Variants in LAMA2 observed in about 807,000 individuals in gnomAD.
LAMA2 encodes the protein laminin subunit alpha 2.
LAMA2 carries 269 observed loss-of-function variants against 364.8 expected under a neutral mutation model. The ratio of observed to expected loss-of-function variants is 0.74; its 90% confidence interval spans 0.67 to 0.82. The LOEUF (loss-of-function observed/expected upper bound fraction) is 0.82. Among genes scored for constraint, LAMA2 ranks in the 40% least tolerant of loss-of-function variants. The probability of loss-of-function intolerance (pLI) is 0.00; values close to 1 mark genes in which losing one functional copy is unlikely to be tolerated. For synonymous variants in LAMA2, 1,379 were observed against 1,370.6 expected (o/e 1.01, Z -0.14); for missense variants, 3,807 against 3,873.2 (o/e 0.98, Z 0.45).
intron 29 of LAMA2, among the ~76,000 whole-genome samples, chr6:129,337,563 A>T (rs564566816): frequency 6.6e-6 from 1 of 152,150 alleles, no homozygotes; most frequent in South Asian, 2.1e-4. Flanking sequence ...AAGCTGTCTT[A>T]TAAGAATTCA....
intron 12 of LAMA2, among the ~76,000 whole-genome samples, chr6:129,245,414 T>C (rs1317184649): frequency 1.3e-5 from 2 of 152,150 alleles, no homozygotes; most frequent in African/African-American, 4.8e-5. Flanking sequence ...TGAAATGTTC[T>C]ATTGGCTGAA....
At chr6:129,089,682 G>C (rs1774688657) in intron 3 of LAMA2, among the ~76,000 whole-genome samples, 1 of 152,220 alleles carries the variant, frequency 6.6e-6, no homozygotes, top group African/African-American at 2.4e-5. Flanking sequence ...GAAGAGAATA[G>C]ATGTCAAGGG....
At chr6:129,066,138 C>T (rs1052344706) in intron 3 of LAMA2, among the ~76,000 whole-genome samples, 1 of 141,654 alleles carries the variant, frequency 7.1e-6, no homozygotes, top group South Asian at 2.4e-4. Context: ...CTCCGCCTCC[C>T]GGGTTCATGC....
intron 20 of LAMA2, chr6:129,292,787 T>C (rs1300867851): frequency 1.0e-6 from 1 of 984,446 alleles, no homozygotes; most frequent in Admixed American, 6.1e-5. Flanking sequence ...TTTTATTTTA[T>C]GGTTGGTTTT....
At chr6:129,481,174 TAATTGCATCGAGG>T (rs1784326816) in intron 54 of LAMA2, 76 bp from the exon 55 acceptor site, 1 of 966,870 alleles carries the variant, frequency 1.0e-6, no homozygotes, top group Non-Finnish European at 1.7e-6. Flanking sequence ...ATAATCACAT[TAATTGCATCGAGG>T]AGGGTGAGTG....
intron 55 of LAMA2, among the ~76,000 whole-genome samples, chr6:129,483,229 A>G (rs1784437406): frequency 6.6e-6 from 1 of 151,936 alleles, no homozygotes; most frequent in Non-Finnish European, 1.5e-5. Context: ...ATCTATAAAA[A>G]AAAAACTATA....
intron 1 of LAMA2, among the ~76,000 whole-genome samples, chr6:128,986,850 CT>C (rs1458202167): frequency 1.3e-5 from 2 of 152,088 alleles, no homozygotes; most frequent in East Asian, 3.9e-4. Flanking sequence ...GATGTAAAAA[CT>C]TTTACATAGT....
intron 34 of LAMA2, among the ~76,000 whole-genome samples, 176 bp downstream of exon 34, chr6:129,370,166 C>G (rs1241152483): frequency 6.6e-6 from 1 of 152,170 alleles, no homozygotes; most frequent in African/African-American, 2.4e-5. Context: ...AAATCAGTAG[C>G]ACGCAGAAAA....
At chr6:129,087,898 ATTT>A (rs1774479296) in intron 3 of LAMA2, among the ~76,000 whole-genome samples, 1 of 150,318 alleles carries the variant, frequency 6.7e-6, no homozygotes, top group Admixed American at 6.6e-5. Context: ...ATTTAATTTT[ATTT>A]ATTTATTTTT....
chr6:129,508,410 G>A (rs1786283104), intron 62 of LAMA2, among the ~76,000 whole-genome samples: 1 of 126,230 alleles, frequency 7.9e-6, no homozygotes, highest in Non-Finnish European at 1.7e-5. Context: ...ATTTTTAAAT[G>A]TACAATTATT....
intron 1 of LAMA2, among the ~76,000 whole-genome samples, chr6:128,941,486 A>G (rs961064683): frequency 6.6e-6 from 1 of 152,174 alleles, no homozygotes; most frequent in Non-Finnish European, 1.5e-5. Flanking sequence ...ACTAATCATG[A>G]TTTTAGTGAG....
intron 3 of LAMA2, among the ~76,000 whole-genome samples, chr6:129,075,014 G>C (rs568234809): frequency 2.6e-5 from 4 of 152,248 alleles, no homozygotes; most frequent in Admixed American, 2.6e-4. Context: ...CCATGAAGGA[G>C]ACAGGAGTCC....
At chr6:129,031,157 T>A (rs1164236748) in intron 1 of LAMA2, among the ~76,000 whole-genome samples, 1 of 152,214 alleles carries the variant, frequency 6.6e-6, no homozygotes, top group African/African-American at 2.4e-5. Flanking sequence ...CAAAGTGTTT[T>A]GCTATAAACA....
Position 129,516,279 on chromosome 6 carries a change from C to A in LAMA2, c.9301C>A (p.Leu3101Met), listed in dbSNP as rs757897157. The A allele has an allele frequency of 6.2e-7, 1 of 1,614,124 alleles. No individual in the cohort carries two copies. Among genetic ancestry groups the A allele is most frequent in the Admixed American group, 1.7e-5 (1 of 60,010 alleles). The change falls in exon 65 of 65, where the codon CTG becomes ATG. Residue 3101 changes from leucine to methionine, a missense_variant. This residue lies in a region of LAMA2 where 3,333 missense variants were observed against 3,345.7 expected (regional missense o/e 1.00). Transcript: ENST00000421865. ...GCTCACCAAAGGCACAGGCAAGCCA[C>A]TGGAGGTTAATTTTGCCAAGGCCCT... The part of the protein sequence containing the change: ...LKLTKGTGKP[L>M]EVNFAKALEL...
intron 1 of LAMA2, among the ~76,000 whole-genome samples, chr6:129,014,776 T>C (rs924146293): frequency 6.6e-6 from 1 of 152,114 alleles, no homozygotes; most frequent in African/African-American, 2.4e-5. Context: ...TAATTAGATA[T>C]TTGAACATGG....
At chr6:129,290,378 T>C (rs1333622492) in intron 19 of LAMA2, among the ~76,000 whole-genome samples, 2 of 152,180 alleles carry the variant, frequency 1.3e-5, no homozygotes, top group Admixed American at 6.5e-5. Context: ...GCTCTTTCAG[T>C]TTCTCAATGG....
At chr6:129,291,196 T>C (rs530349363) in intron 19 of LAMA2, among the ~76,000 whole-genome samples, 2 of 152,332 alleles carry the variant, frequency 1.3e-5, no homozygotes, top group East Asian at 3.9e-4. Context: ...GTTACCCTGA[T>C]GTATCTGTAA....
chr6:129,240,327 A>C (rs929875407), intron 12 of LAMA2, among the ~76,000 whole-genome samples: 1 of 152,196 alleles, frequency 6.6e-6, no homozygotes, highest in African/African-American at 2.4e-5. Context: ...ACTCAGGTAC[A>C]ATACTTTGCA....
chr6:129,457,997 C>A lies in LAMA2; in HGVS notation c.6867+1503C>A, dbSNP rs185455818. On this transcript the variant is annotated intron_variant, in intron 48 of 64. Transcript: ENST00000421865. ...CTGCCTGCTAATACCATCACTTTGG[C>A]GGGTAGGATTTTAACATAAGAATTT... Among the ~76,000 whole-genome samples the A allele has an allele frequency of 3.3e-5, 5 of 152,128 alleles. 1 individual carries two copies. In the East Asian group the frequency reaches 9.7e-4, roughly 29 times the overall value.
Sources: gnomAD v4.1 joint callset for allele counts (sites outside exome capture counted in the v4.1 genomes callset) on GRCh38, gnomAD v4.1.1 for gene constraint, gnomAD v4.1.1 regional missense constraint, MANE v1.5 for transcripts, NCBI Gene and HGNC (gene_info 2026-07-23, HGNC 2026-07-21) for gene names.